Variants in FILIP1 observed in about 807,000 individuals in gnomAD.
The protein encoded by FILIP1 is filamin-A-interacting protein 1.
A neutral mutation model predicts 102.1 loss-of-function variants in FILIP1; 61 were observed. That is an observed-to-expected ratio of 0.60 (90% CI 0.49 to 0.74). The LOEUF (loss-of-function observed/expected upper bound fraction) is 0.74, where lower values mean the gene tolerates loss of function less well. Among genes scored for constraint, FILIP1 ranks in the 30% least tolerant of loss-of-function variants. The pLI, the probability that FILIP1 is intolerant of heterozygous loss-of-function variation, is 0.00. For synonymous variants in FILIP1, 491 were observed against 526.9 expected, an observed-to-expected ratio of 0.93 and a Z score of 0.93; for missense variants, 1,314 against 1,441.2, an observed-to-expected ratio of 0.91 and a Z score of 1.43.
At position 75,308,167 on chromosome 6, in the gene FILIP1, A is replaced by G. The variant is rs552428002; in HGVS notation, c.*524T>C. 1.7e-4 allele frequency: 172 copies of G among 986,292 alleles called. 1 individual carries two copies. In the African/African-American group the frequency reaches 2.9e-3, roughly 17 times the overall value. The allele number at this position is 986,292 out of a possible 1,614,324, so 61.1% of individuals were successfully genotyped here. On this transcript the variant is annotated 3_prime_UTR_variant, in exon 6 of 6. Transcript: ENST00000237172. ...TCTTAGAACCTTTTGTTTTTGCAAA[A>G]TTTTAGAGGTCCAGGCCCTGTGATA...
intron 1 of FILIP1, among the ~76,000 whole-genome samples, chr6:75,448,178 C>T (rs1778502063): frequency 6.6e-6 from 1 of 152,048 alleles, no homozygotes; most frequent in Non-Finnish European, 1.5e-5. Flanking sequence ...GTGGTAAACA[C>T]ACAGCATGGA....
intron 4 of FILIP1, among the ~76,000 whole-genome samples, chr6:75,331,609 G>T (rs1436198124): frequency 3.3e-5 from 5 of 152,110 alleles, no homozygotes; most frequent in Admixed American, 6.6e-5. Flanking sequence ...TTTTGCAGTT[G>T]TCGGCCTTCC....
chr6:75,300,093 A>T lies in FILIP1; in HGVS notation c.3494-4143T>A, dbSNP rs187792017. Among the ~76,000 whole-genome samples, 185 of 152,322 alleles carry T rather than the reference A, an allele frequency of 1.2e-3. 2 individuals carry two copies. The highest frequency in any genetic ancestry group is 6.6e-3 in the East Asian group (34 of 5,188). The stretch of plus-strand genomic sequence containing the variant: ...GTAATTCATGTTTATACTCTGCCAA[A>T]CACTGCAAAGGAACACTTGAGCTCT... On this transcript the variant is annotated intron_variant, in intron 6 of 6. Coordinates refer to the FILIP1 transcript ENST00000393004.
intron 4 of FILIP1, among the ~76,000 whole-genome samples, chr6:75,343,662 G>C (rs958718002): frequency 2.6e-5 from 4 of 152,142 alleles, no homozygotes; most frequent in African/African-American, 9.7e-5. Flanking sequence ...ATTGATTTCT[G>C]TTCTCCCGTT....
intron 2 of FILIP1, among the ~76,000 whole-genome samples, chr6:75,395,959 A>G (rs1286565882): frequency 1.3e-5 from 2 of 152,058 alleles, no homozygotes; most frequent in Non-Finnish European, 2.9e-5. Context: ...TTGGATGTGG[A>G]AACAACATAA....
At chr6:75,329,865 A>G (rs983861254) in intron 4 of FILIP1, among the ~76,000 whole-genome samples, 3 of 152,202 alleles carry the variant, frequency 2.0e-5, no homozygotes, top group African/African-American at 7.2e-5. Flanking sequence ...TGTAGTAATC[A>G]CATCAGGGTA....
chr6:75,305,341 T>C (rs1772955848), downstream of FILIP1, among the ~76,000 whole-genome samples: 1 of 152,214 alleles, frequency 6.6e-6, no homozygotes, highest in African/African-American at 2.4e-5. Flanking sequence ...GAAATTTAAA[T>C]ATTTTTACAC....
intron 2 of FILIP1, among the ~76,000 whole-genome samples, chr6:75,407,903 C>T (rs1776930295): frequency 6.6e-6 from 1 of 152,144 alleles, no homozygotes; most frequent in Non-Finnish European, 1.5e-5. Context: ...AATCATTCTG[C>T]ACAAATGTCC....
intron 1 of FILIP1, among the ~76,000 whole-genome samples, chr6:75,437,164 G>A (rs1582504573): frequency 2.0e-5 from 3 of 152,300 alleles, no homozygotes; most frequent in African/African-American, 4.8e-5. Context: ...TGCTGTGCCC[G>A]ATAAGGATAA....
At chr6:75,331,030 G>A (rs759130843) in intron 4 of FILIP1, among the ~76,000 whole-genome samples, 32 of 152,144 alleles carry the variant, frequency 2.1e-4, no homozygotes, top group Non-Finnish European at 4.3e-4. Flanking sequence ...ATACGTCTTG[G>A]AGATGATTAC....
chr6:75,341,222 G>A (rs1774411897), intron 4 of FILIP1, among the ~76,000 whole-genome samples: 1 of 149,784 alleles, frequency 6.7e-6, no homozygotes, highest in South Asian at 2.1e-4. Flanking sequence ...GTGCAGTGGT[G>A]CAATCTCAGT....
chr6:75,491,272 ATG>A lies in FILIP1; in HGVS notation c.-7+2140_-7+2141del, dbSNP rs1779948214. 2.6e-5 allele frequency among the ~76,000 whole-genome samples: 4 copies of A among 152,188 alleles called. No homozygotes were observed. The South Asian group carries it at 8.3e-4, about 32-fold the overall frequency. ...TGGGGTATTGAAATGTTCACTGAGT[ATG>A]TGTTTGGAGAATGGCCCATAATCTG... On this transcript the variant is annotated intron_variant, in intron 1 of 5. Coordinates refer to ENST00000237172, the MANE Select transcript of FILIP1 (RefSeq NM_015687.5).
intron 1 of FILIP1, among the ~76,000 whole-genome samples, chr6:75,443,200 G>C (rs1007113109): frequency 2.0e-5 from 3 of 151,992 alleles, no homozygotes; most frequent in African/African-American, 7.2e-5. Context: ...TTTTTCTTTA[G>C]AAATTTTATT....
intron 2 of FILIP1, among the ~76,000 whole-genome samples, chr6:75,364,819 T>G (rs1582399393): frequency 6.6e-6 from 1 of 152,334 alleles, no homozygotes; most frequent in East Asian, 1.9e-4. Flanking sequence ...ACTTTCTTAC[T>G]TTGGTGCAAG....
chr6:75,452,312 T>A (rs1778661678), intron 1 of FILIP1, among the ~76,000 whole-genome samples: 1 of 150,740 alleles, frequency 6.6e-6, no homozygotes, highest in Non-Finnish European at 1.5e-5. Context: ...CCTGTGTCCA[T>A]GTGTTCTCAT....
intron 2 of FILIP1, among the ~76,000 whole-genome samples, chr6:75,409,100 T>A (rs1355249173): frequency 6.6e-6 from 1 of 152,230 alleles, no homozygotes; most frequent in Admixed American, 6.5e-5. Flanking sequence ...GTTTACAATG[T>A]GAGTCTACTT....
chr6:75,472,896 C>T (rs1287299310), intron 1 of FILIP1, among the ~76,000 whole-genome samples: 1 of 152,132 alleles, frequency 6.6e-6, no homozygotes, highest in Non-Finnish European at 1.5e-5. Flanking sequence ...CTTCCAAAAA[C>T]CCCATCTTAA....
intron 2 of FILIP1, among the ~76,000 whole-genome samples, chr6:75,383,435 T>A (rs1000388693): frequency 4.6e-5 from 7 of 152,252 alleles, no homozygotes; most frequent in Admixed American, 2.0e-4. Context: ...CAGTGGTAAA[T>A]TATCTCTTCA....
intron 4 of FILIP1, among the ~76,000 whole-genome samples, chr6:75,318,022 C>T (rs556367253): frequency 3.0e-4 from 45 of 152,228 alleles, no homozygotes; most frequent in Non-Finnish European, 5.6e-4. Context: ...CAGTCTCTCC[C>T]GTTATCTAAC....
Sources: allele counts gnomAD v4.1 joint callset (sites outside exome capture counted in the v4.1 genomes callset), GRCh38; gene constraint gnomAD v4.1.1; transcripts MANE v1.5; gene names NCBI Gene and HGNC (gene_info 2026-07-23, HGNC 2026-07-21).